The following CHEK2 variants were observed in gnomAD, a reference collection of about 807,000 sequenced individuals.
The protein encoded by CHEK2 is serine/threonine-protein kinase Chk2.
In CHEK2, 71 loss-of-function variants were observed where a neutral mutation model predicts 69.1. The observed-to-expected ratio is 1.03, with a 90% CI of 0.85 to 1.25. The LOEUF is 1.25. Ranked by LOEUF, CHEK2 falls within the 50% of genes most tolerant of loss-of-function variation. The pLI is 0.00. For synonymous variants in CHEK2, 189 were observed against 226.9 expected (o/e 0.83, Z 1.50); for missense variants, 664 against 649.6 (o/e 1.02, Z -0.24).
intron 13 of CHEK2, among the ~76,000 whole-genome samples, chr22:28,690,808 G>A (rs913088655): frequency 2.1e-5 from 3 of 141,766 alleles, no homozygotes; most frequent in Non-Finnish European, 4.6e-5. Context: ...AGAAAGGAAA[G>A]AAGCAAGGAA....
chr22:28,703,788 G>C (rs139167872), intron 7 of CHEK2, among the ~76,000 whole-genome samples: 182 of 152,290 alleles, frequency 1.2e-3, no homozygotes, highest in Middle Eastern at 6.8e-3. Flanking sequence ...ATGATGGTGA[G>C]AGACTAGTTC....
At chr22:28,698,604 A>G (rs2052688796) in intron 9 of CHEK2, among the ~76,000 whole-genome samples, 1 of 152,164 alleles carries the variant, frequency 6.6e-6, no homozygotes, top group Non-Finnish European at 1.5e-5. Flanking sequence ...GATTGCTCCC[A>G]ATCACTGCAT....
At position 28,725,108 on chromosome 22, in the gene CHEK2, T is replaced by A. The variant is rs2146061665; in HGVS notation, c.461A>T (p.Asn154Ile). 6.2e-7 allele frequency: 1 copy of A among 1,614,002 alleles called. No homozygotes were observed. The highest frequency in any genetic ancestry group is 8.5e-7 in the Non-Finnish European group (1 of 1,179,950). Residue 154 changes from asparagine to isoleucine, a missense_variant, in exon 4 of 15, where the codon AAC becomes ATC. By Grantham distance (149) the Asn-to-Ile change is moderately radical. Transcript: ENST00000404276. ...FRIFREVGPKNSYIAYIEDHS... is the reference protein window; with the variant it reads ...FRIFREVGPKISYIAYIEDHS... Reference sequence around the variant, plus strand: ...ATCTTCTATGTATGCAATGTAAGAGTTTTTAGGACCCACTTCCTAAAATAG... The same window carrying A: ...ATCTTCTATGTATGCAATGTAAGAGATTTTAGGACCCACTTCCTAAAATAG...
intron 1 of CHEK2, 93 bp from the exon 2 acceptor site, chr22:28,734,820 G>C: frequency 3.1e-5 from 22 of 710,242 alleles, no homozygotes; most frequent in East Asian, 3.1e-5. Flanking sequence ...AACAGCAAAA[G>C]AAAAGAAAAA....
intron 4 of CHEK2, chr22:28,721,759 C>T (rs2146027536): frequency 2.9e-6 from 1 of 346,730 alleles, no homozygotes; most frequent in African/African-American, 2.2e-5. Context: ...GAGACACGTT[C>T]TTACTCTCTT....
intron 6 of CHEK2, 126 bp from the exon 7 acceptor site, chr22:28,710,185 G>T (rs1252517797): frequency 7.9e-6 from 5 of 632,406 alleles, no homozygotes; most frequent in Non-Finnish European, 1.4e-5. Flanking sequence ...CTTATACAAA[G>T]AAATCAAAGC....
At chr22:28,697,108 T>G in intron 9 of CHEK2, 121 bp from the exon 10 acceptor site, 1 of 705,738 alleles carries the variant, frequency 1.4e-6, no homozygotes, top group Non-Finnish European at 2.6e-6. Flanking sequence ...CACACAACCA[T>G]ATTCTCCAAA....
At chr22:28,741,148 C>CAAAA (rs71194792) in intron 1 of CHEK2, among the ~76,000 whole-genome samples, 2 of 51,160 alleles carry the variant, frequency 3.9e-5, no homozygotes. Flanking sequence ...GACTCCGTCT[C>CAAAA]AAAAAAAAAA....
intron 1 of CHEK2, chr22:28,737,388 G>C (rs1200757323): frequency 2.5e-6 from 1 of 407,222 alleles, no homozygotes; most frequent in African/African-American, 2.1e-5. Flanking sequence ...AGCATCTTTT[G>C]CTTTGGGGCC....
intron 4 of CHEK2, chr22:28,721,780 G>C (rs2053795726): frequency 6.4e-6 from 2 of 314,672 alleles, no homozygotes; most frequent in East Asian, 8.4e-5. Flanking sequence ...GCCCAGGGAA[G>C]AGTACAGTGG....
chr22:28,741,771 C>CG lies in CHEK2; in HGVS notation c.-10dup, dbSNP rs886037743. The CG allele has an allele frequency of 2.3e-5, 10 of 442,794 alleles. No homozygotes were observed. Among genetic ancestry groups the CG allele is most frequent in the Non-Finnish European group, 3.7e-5 (9 of 241,048 alleles). The allele number at this position is 442,794 out of a possible 1,614,324, so 27.4% of individuals were successfully genotyped here. On this transcript the variant is annotated 5_prime_UTR_variant, in exon 1 of 15. Coordinates refer to ENST00000404276, the MANE Select transcript of CHEK2 (RefSeq NM_007194.4). ...CAGAAGTTCCCCATATGACTCACCGCGTGAGCCCACCTGGAGCCGCACACT... is the reference window on the plus strand; with the variant it reads ...CAGAAGTTCCCCATATGACTCACCGCGGTGAGCCCACCTGGAGCCGCACACT...
At chr22:28,721,286 T>G (rs1207645355) in intron 4 of CHEK2, among the ~76,000 whole-genome samples, 2 of 144,646 alleles carry the variant, frequency 1.4e-5, no homozygotes, top group African/African-American at 2.5e-5. Context: ...TTTGGGTTTT[T>G]TTTTTTTTTT....
At chr22:28,739,344 G>C (rs1244647059) in intron 1 of CHEK2, among the ~76,000 whole-genome samples, 1 of 151,700 alleles carries the variant, frequency 6.6e-6, no homozygotes, top group African/African-American at 2.4e-5. Context: ...TGGCCAACAG[G>C]TATATTAAAA....
intron 4 of CHEK2, among the ~76,000 whole-genome samples, chr22:28,722,557 AAAG>A (rs1417837137): frequency 5.5e-5 from 8 of 145,318 alleles, no homozygotes; most frequent in African/African-American, 1.9e-4. Context: ...AAAAAAAAAA[AAAG>A]AAAAGAAAAG....
intron 6 of CHEK2, among the ~76,000 whole-genome samples, chr22:28,711,296 G>A (rs2053382232): frequency 6.6e-6 from 1 of 151,868 alleles, no homozygotes. Flanking sequence ...CATAAACCAG[G>A]GATACTCACT....
chr22:28,739,228 A>G (rs1036546901), intron 1 of CHEK2, among the ~76,000 whole-genome samples: 2 of 152,166 alleles, frequency 1.3e-5, no homozygotes, highest in African/African-American at 4.8e-5. Context: ...GTGAGCCGAG[A>G]TCGCACCACT....
At chr22:28,713,109 C>G (rs1004493746) in intron 5 of CHEK2, among the ~76,000 whole-genome samples, 1 of 152,210 alleles carries the variant, frequency 6.6e-6, no homozygotes, top group Non-Finnish European at 1.5e-5. Context: ...TGTCTGGATT[C>G]TTTCACTTAG....
At position 28,698,670 on chromosome 22, in the gene CHEK2, A is replaced by C. The variant is rs17883679; in HGVS notation, c.1008+1168T>G. Among the ~76,000 whole-genome samples, 6 of 152,288 alleles carry C rather than the reference A, an allele frequency of 3.9e-5. No individual in the cohort carries two copies. In the East Asian group the frequency reaches 1.2e-3, roughly 29 times the overall value. On this transcript the variant is annotated intron_variant, in intron 9 of 14. Coordinates refer to ENST00000404276, the MANE Select transcript of CHEK2 (RefSeq NM_007194.4). ...ACTGGAAGGGAATGGCCACAACCAC[A>C]TTTGGTCTGGGAAATGGTGATGTTC...
intron 5 of CHEK2, among the ~76,000 whole-genome samples, chr22:28,717,590 T>C (rs527766415): frequency 8.6e-5 from 13 of 150,298 alleles, no homozygotes; most frequent in African/African-American, 3.2e-4. Context: ...AAAATAAAAA[T>C]TAGGGCCGGG....
Sources: gnomAD v4.1 joint callset for allele counts (sites outside exome capture counted in the v4.1 genomes callset) on GRCh38, gnomAD v4.1.1 for gene constraint, MANE v1.5 for transcripts, NCBI Gene and HGNC (gene_info 2026-07-23, HGNC 2026-07-21) for gene names.